ITCH: variants seen among roughly 807,000 people sequenced by gnomAD.
ITCH encodes E3 ubiquitin-protein ligase Itchy homolog.
Under a neutral mutation model 126.8 loss-of-function variants are expected in ITCH, and 28 were observed. The observed-to-expected ratio is 0.22, with a 90% CI of 0.16 to 0.30. The LOEUF (loss-of-function observed/expected upper bound fraction) is 0.30, where lower values mean the gene tolerates loss of function less well. Among genes scored for constraint, ITCH ranks in the 10% least tolerant of loss-of-function variants. The pLI is 1.00. For synonymous variants in ITCH, 342 were observed against 340.0 expected (o/e 1.01, Z -0.06); for missense variants, 631 against 1,032.4 (o/e 0.61, Z 5.33).
intron 16 of ITCH, among the ~76,000 whole-genome samples, chr20:34,475,208 C>T (rs1031626620): frequency 2.7e-5 from 4 of 150,638 alleles, no homozygotes; most frequent in Admixed American, 6.6e-5. Context: ...ACATCCCAGA[C>T]GATGGGCGGC....
At chr20:34,461,892 A>C (rs765391235) in intron 13 of ITCH, among the ~76,000 whole-genome samples, 8 of 152,250 alleles carry the variant, frequency 5.3e-5, no homozygotes, top group Middle Eastern at 3.4e-3. Context: ...ACGGCAGAAG[A>C]CTTGAGTTGT....
chr20:34,501,594 G>A (rs1370307759), intron 23 of ITCH, among the ~76,000 whole-genome samples: 3 of 152,046 alleles, frequency 2.0e-5, no homozygotes, highest in Non-Finnish European at 4.4e-5. Flanking sequence ...TGACCAACAT[G>A]GAGAAACCGT....
chr20:34,491,739 A>G (rs1411906626), intron 22 of ITCH, among the ~76,000 whole-genome samples: 4 of 152,236 alleles, frequency 2.6e-5, no homozygotes, highest in Non-Finnish European at 5.9e-5. Flanking sequence ...CAGTTATACT[A>G]CAGGCTAGAA....
chr20:34,468,486 G>A (rs1987306229), intron 14 of ITCH, among the ~76,000 whole-genome samples: 1 of 151,890 alleles, frequency 6.6e-6, no homozygotes, highest in Admixed American at 6.6e-5. Flanking sequence ...ACCCAGTGCA[G>A]TGAGATGAGA....
intron 23 of ITCH, among the ~76,000 whole-genome samples, chr20:34,495,052 G>C (rs1360528651): frequency 2.0e-5 from 3 of 146,716 alleles, no homozygotes; most frequent in South Asian, 2.1e-4. Flanking sequence ...AGGAGTTCGA[G>C]ACCAGCCTGG....
In ITCH at chr20:34,379,807, C is replaced by T. The variant is rs6141466; in HGVS notation, c.-22+10337C>T. On this transcript the variant is annotated intron_variant, in intron 2 of 24. Transcript: ENST00000374864. ...AGAGACAGGGTTTCACTGTGTTAGC[C>T]AGGATGGTCTCAATCTCCTGACCTC... Among the ~76,000 whole-genome samples the T allele has an allele frequency of 3.3e-5, 5 of 151,858 alleles. No individual in the cohort carries two copies. The East Asian group carries it at 9.7e-4, about 29-fold the overall frequency.
chr20:34,455,565 C>T (rs541136549), intron 12 of ITCH, among the ~76,000 whole-genome samples: 1 of 151,648 alleles, frequency 6.6e-6, no homozygotes, highest in South Asian at 2.1e-4. Context: ...CGGGTTCAAG[C>T]AGTTCTCCTG....
chr20:34,496,177 A>C (rs1039126879), intron 23 of ITCH, among the ~76,000 whole-genome samples: 1 of 152,166 alleles, frequency 6.6e-6, no homozygotes, highest in African/African-American at 2.4e-5. Flanking sequence ...TGTAACAGTT[A>C]TTCTAACTGA....
chr20:34,397,262 C>A (rs1191141713), intron 3 of ITCH, among the ~76,000 whole-genome samples: 1 of 152,140 alleles, frequency 6.6e-6, no homozygotes, highest in East Asian at 1.9e-4. Flanking sequence ...ACCTCAGGAT[C>A]CACCCACCTC....
rs556011477 is a variant in ITCH, at chr20:34,468,262, C to T, written c.1425-1786C>T. The stretch of plus-strand genomic sequence containing the variant: ...TGTTAGCCAGGATGTTCTCAATCTC[C>T]TGACCTCATGATCCACCTGCCTTGG... On this transcript the variant is annotated intron_variant, in intron 14 of 24. Transcript: ENST00000374864. Among the ~76,000 whole-genome samples, 8 of 151,802 alleles carry T rather than the reference C, an allele frequency of 5.3e-5. No individual in the cohort carries two copies. In the South Asian group the frequency reaches 1.7e-3, roughly 32 times the overall value.
Position 34,437,380 on chromosome 20 carries a change from A to G in ITCH, c.522-1094A>G, listed in dbSNP as rs1424176798. ...GAGTGCAGTGGCGCAAGCTCAGCTC[A>G]CTGCAACCTCCACTTCCCAGACTCA... On this transcript the variant is annotated intron_variant, in intron 7 of 24. Coordinates refer to ENST00000374864, the MANE Select transcript of ITCH (RefSeq NM_031483.7). Among the ~76,000 whole-genome samples, 118 of 152,148 alleles carry G rather than the reference A, an allele frequency of 7.8e-4. 1 individual carries two copies. Among genetic ancestry groups the G allele is most frequent in the Non-Finnish European group, 1.0e-4 (7 of 68,004 alleles).
Position 34,369,383 on chromosome 20 carries a change from T to C in ITCH, c.-98-11T>C. Reference sequence around the variant, plus strand: ...AAGTAATGTGTTAATGGACTCTCCTTCCTTTCTCAGGTACCATGCATTTCA... The same window carrying C: ...AAGTAATGTGTTAATGGACTCTCCTCCCTTTCTCAGGTACCATGCATTTCA... On this transcript the variant is annotated splice_polypyrimidine_tract_variant and intron_variant, in intron 1 of 24. Transcript: ENST00000374864. 2.5e-6 allele frequency: 1 copy of C among 399,064 alleles called. No individual in the cohort carries two copies. Among genetic ancestry groups the C allele is most frequent in the Non-Finnish European group, 4.4e-6 (1 of 226,096 alleles). The allele number at this position is 399,064 out of a possible 1,614,324, so 24.7% of individuals were successfully genotyped here. A position where few individuals can be genotyped will look rare whatever the true frequency, so the allele number is the denominator to read the frequency against.
intron 3 of ITCH, among the ~76,000 whole-genome samples, chr20:34,399,248 C>T (rs757349012): frequency 9.2e-5 from 14 of 151,972 alleles, no homozygotes; most frequent in South Asian, 4.2e-4. Context: ...CAAAATTAGC[C>T]GGGCATGGTG....
chr20:34,467,718 T>C (rs1987217305), intron 14 of ITCH, among the ~76,000 whole-genome samples: 1 of 143,312 alleles, frequency 7.0e-6, no homozygotes. Flanking sequence ...GGAGTTTCAC[T>C]CTTGTTGCCC....
chr20:34,387,619 CAAA>C (rs771355212), intron 2 of ITCH, among the ~76,000 whole-genome samples: 6 of 86,664 alleles, frequency 6.9e-5, no homozygotes, highest in African/African-American at 4.2e-5. Flanking sequence ...GACCCTGTCT[CAAA>C]AAAAAAAAAA....
rs1420085594 is a variant in ITCH at position 34,489,813 on chromosome 20, T to C, written c.2215-9T>C. 1 of 1,592,412 alleles carries C rather than the reference T, an allele frequency of 6.3e-7. No individual in the cohort carries two copies. The highest frequency in any genetic ancestry group is 1.3e-5 in the African/African-American group (1 of 74,608). On this transcript the variant is annotated splice_polypyrimidine_tract_variant and intron_variant, in intron 21 of 24. Coordinates refer to ENST00000374864, the MANE Select transcript of ITCH (RefSeq NM_031483.7). Reference sequence around the variant, plus strand: ...CTTAGGAAACAATTTGTCTTTTTCATCCCTAAAGGTCCTTTTATGTGGAAT... The same window carrying C: ...CTTAGGAAACAATTTGTCTTTTTCACCCCTAAAGGTCCTTTTATGTGGAAT...
chr20:34,475,393 C>T (rs1357542008), intron 16 of ITCH, among the ~76,000 whole-genome samples: 4 of 152,244 alleles, frequency 2.6e-5, no homozygotes, highest in East Asian at 1.9e-4. Flanking sequence ...GAGACTCCGT[C>T]TGCAATCCCG....
intron 2 of ITCH, among the ~76,000 whole-genome samples, chr20:34,387,799 G>C (rs1429509600): frequency 1.3e-5 from 2 of 151,988 alleles, no homozygotes; most frequent in East Asian, 3.9e-4. Flanking sequence ...CCGCCTCCTG[G>C]GTTCAAGCGG....
chr20:34,469,916 T>A, intron 14 of ITCH, 132 bp from the exon 15 acceptor site: 1 of 757,120 alleles, frequency 1.3e-6, no homozygotes. Flanking sequence ...CAAAGAATGG[T>A]TTTGTTAGGA....
Sources: gnomAD v4.1 joint callset for allele counts (sites outside exome capture counted in the v4.1 genomes callset) on GRCh38, gnomAD v4.1.1 for gene constraint, MANE v1.5 for transcripts, NCBI Gene and HGNC (gene_info 2026-07-23, HGNC 2026-07-21) for gene names.